Variants in WWOX observed in about 807,000 individuals in gnomAD.
The protein encoded by WWOX is WW domain-containing oxidoreductase.
Under a neutral mutation model 46.2 loss-of-function variants are expected in WWOX, and 69 were observed. The ratio of observed to expected loss-of-function variants is 1.49; its 90% CI spans 1.23 to 1.82. The LOEUF is 1.82. Ranked by LOEUF, WWOX falls within the 40% of genes most tolerant of loss-of-function variation. WWOX has a pLI of 0.00. For synonymous variants in WWOX, 359 were observed against 202.6 expected (o/e 1.77, Z -6.56); for missense variants, 919 against 542.6 (o/e 1.69, Z -6.89).
intron 8 of WWOX, among the ~76,000 whole-genome samples, chr16:78,608,495 G>A (rs1303418852): frequency 1.3e-5 from 2 of 152,164 alleles, no homozygotes; most frequent in African/African-American, 4.8e-5. Context: ...TTCCCTTTCA[G>A]CAGGGAAACC....
chr16:78,538,248 C>A (rs1574279), intron 8 of WWOX, among the ~76,000 whole-genome samples: 17 of 126,220 alleles, frequency 1.3e-4, no homozygotes, highest in African/African-American at 3.0e-4. Flanking sequence ...AAAAAAAAAG[C>A]GGGGCAAGGG....
chr16:78,633,735 C>T (rs1329091606), intron 8 of WWOX, among the ~76,000 whole-genome samples: 1 of 152,196 alleles, frequency 6.6e-6, no homozygotes, highest in East Asian at 1.9e-4. Context: ...GCCTGGCTTT[C>T]TTCTCCGACT....
chr16:78,266,662 A>G (rs899865680), intron 5 of WWOX, among the ~76,000 whole-genome samples: 3 of 152,220 alleles, frequency 2.0e-5, no homozygotes, highest in African/African-American at 7.2e-5. Context: ...ATCAAATGGA[A>G]GAAATAATGA....
chr16:78,980,144 C>T (rs2046652669), intron 8 of WWOX, among the ~76,000 whole-genome samples: 1 of 152,130 alleles, frequency 6.6e-6, no homozygotes, highest in African/African-American at 2.4e-5. Flanking sequence ...ATCAACCAGT[C>T]AATGTGTGCC....
rs780224603 is a variant in WWOX at position 78,115,160 on chromosome 16, C to T, written c.409+6C>T. The T allele has an allele frequency of 6.2e-7, 1 of 1,614,162 alleles. No individual in the cohort carries two copies. Among genetic ancestry groups the T allele is most frequent in the Non-Finnish European group, 8.5e-7 (1 of 1,180,002 alleles). The stretch of plus-strand genomic sequence containing the variant: ...TGGAGCTAATTCAGGAATAGGTAGG[C>T]TCTTCACTTAGTTATTTATCTTTGG... On this transcript the variant is annotated splice_donor_region_variant and intron_variant, in intron 4 of 8. Coordinates refer to ENST00000566780, the MANE Select transcript of WWOX (RefSeq NM_016373.4).
chr16:78,474,624 G>A (rs1163650738), intron 8 of WWOX, among the ~76,000 whole-genome samples: 1 of 152,046 alleles, frequency 6.6e-6, no homozygotes, highest in Non-Finnish European at 1.5e-5. Context: ...TGCATTTAAA[G>A]TGTACAATTC....
intron 5 of WWOX, among the ~76,000 whole-genome samples, chr16:78,256,733 C>T (rs2038141789): frequency 6.6e-6 from 1 of 152,096 alleles, no homozygotes; most frequent in East Asian, 1.9e-4. Flanking sequence ...TGTACAGAAA[C>T]ATGAACAGAG....
intron 8 of WWOX, among the ~76,000 whole-genome samples, chr16:78,835,088 C>G (rs2051942067): frequency 6.6e-6 from 1 of 152,064 alleles, no homozygotes; most frequent in Non-Finnish European, 1.5e-5. Flanking sequence ...GAGGAGGAAG[C>G]TCCAAAAATG....
At chr16:79,082,235 G>T (rs141885849) in intron 8 of WWOX, among the ~76,000 whole-genome samples, 1 of 152,118 alleles carries the variant, frequency 6.6e-6, no homozygotes, top group Admixed American at 6.5e-5. Flanking sequence ...AATATATGTC[G>T]CCTTGGGAAA....
At chr16:79,207,259 G>C (rs1173857401) in intron 8 of WWOX, among the ~76,000 whole-genome samples, 1 of 152,216 alleles carries the variant, frequency 6.6e-6, no homozygotes, top group Non-Finnish European at 1.5e-5. Flanking sequence ...CTTTGCATTT[G>C]AGAAGTATTT....
At chr16:78,186,316 G>T (rs554250154) in intron 5 of WWOX, among the ~76,000 whole-genome samples, 2 of 150,934 alleles carry the variant, frequency 1.3e-5, no homozygotes, top group East Asian at 3.9e-4. Context: ...AGACATTGCC[G>T]ACCTAGAGGG....
At chr16:78,157,514 G>A (rs1211740327) in intron 4 of WWOX, among the ~76,000 whole-genome samples, 12 of 152,176 alleles carry the variant, frequency 7.9e-5, no homozygotes, top group African/African-American at 2.9e-4. Context: ...ACACACCCAA[G>A]GGGAGTCAAA....
chr16:79,199,726 G>A (rs868510178), intron 8 of WWOX, among the ~76,000 whole-genome samples: 1 of 152,182 alleles, frequency 6.6e-6, no homozygotes, highest in Non-Finnish European at 1.5e-5. Flanking sequence ...GATCCAGAGG[G>A]TGTACTGGTA....
At position 79,011,385 on chromosome 16, in the gene WWOX, T is replaced by C. The variant is rs548135413; in HGVS notation, c.1057-200223T>C. ...CTGCCCCCTTTGGAACTTCTGTTGG[T>C]GTTCGATCTGGAATCTGAGAATTCC... On this transcript the variant is annotated intron_variant, in intron 8 of 8. Transcript: ENST00000566780. Among the ~76,000 whole-genome samples, 4 of 152,140 alleles carry C rather than the reference T, an allele frequency of 2.6e-5. No individual in the cohort carries two copies. In the South Asian group the frequency reaches 8.3e-4, roughly 32 times the overall value.
chr16:78,767,806 G>C (rs2049960760), intron 8 of WWOX, among the ~76,000 whole-genome samples: 1 of 152,104 alleles, frequency 6.6e-6, no homozygotes, highest in Non-Finnish European at 1.5e-5. Flanking sequence ...TTTCCCTAAT[G>C]ATGTTAAGCG....
At chr16:78,114,853 CAGGTTTA>C (rs2151674355) in intron 3 of WWOX, 116 bp from the exon 4 acceptor site, 1 of 1,247,324 alleles carries the variant, frequency 8.0e-7, no homozygotes, top group African/African-American at 1.5e-5. Context: ...CCAGTTCTTT[CAGGTTTA>C]AGGAATAAGC....
At chr16:78,150,915 C>T (rs1034768752) in intron 4 of WWOX, among the ~76,000 whole-genome samples, 3 of 151,872 alleles carry the variant, frequency 2.0e-5, no homozygotes, top group Non-Finnish European at 4.4e-5. Flanking sequence ...GCTCTGTCAC[C>T]CACCCAGGCT....
At chr16:78,863,160 G>C (rs1180042474) in intron 8 of WWOX, among the ~76,000 whole-genome samples, 2 of 151,976 alleles carry the variant, frequency 1.3e-5, no homozygotes. Context: ...GTTTCACCAT[G>C]TTGGCCAGAC....
chr16:78,453,039 G>A (rs1181116039), intron 8 of WWOX, among the ~76,000 whole-genome samples: 2 of 150,306 alleles, frequency 1.3e-5, no homozygotes, highest in African/African-American at 4.9e-5. Flanking sequence ...CTGCCTTCAT[G>A]CCTGGATAAT....
Sources: allele counts gnomAD v4.1 joint callset (sites outside exome capture counted in the v4.1 genomes callset), GRCh38; gene constraint gnomAD v4.1.1; transcripts MANE v1.5; gene names NCBI Gene and HGNC (gene_info 2026-07-23, HGNC 2026-07-21).